NMNAT3: variants seen among roughly 807,000 people sequenced by gnomAD.
NMNAT3 encodes nicotinamide nucleotide adenylyltransferase 3, also known as nicotinamide/nicotinic acid mononucleotide adenylyltransferase 3.
NMNAT3 carries 21 observed loss-of-function variants against 24.8 expected under a neutral mutation model. That is an observed-to-expected ratio of 0.85 (90% confidence interval 0.60 to 1.22). NMNAT3 has a LOEUF of 1.22. NMNAT3 is among the 50% of genes most tolerant of loss of function. The pLI is 0.00. For synonymous variants in NMNAT3, 136 were observed against 155.2 expected (o/e 0.88, Z 0.92); for missense variants, 387 against 436.6 (o/e 0.89, Z 1.01).
In NMNAT3 at chr3:139,582,950, A is replaced by G; in HGVS notation, c.368T>C (p.Ile123Thr). 1 of 1,520,942 alleles carries G rather than the reference A, an allele frequency of 6.6e-7. No individual in the cohort carries two copies. The allele number at this position is 1,520,942 out of a possible 1,614,324, so 94.2% of individuals were successfully genotyped here. A position where few individuals can be genotyped will look rare whatever the true frequency, so the allele number is the denominator to read the frequency against. ...ACCTTGAAGTCGCTCATCAGTGAATATTTTGTTTGTTTGGTTCCAGGTGCT... is the reference window on the plus strand; with the variant it reads ...ACCTTGAAGTCGCTCATCAGTGAATGTTTTGTTTGTTTGGTTCCAGGTGCT... The change falls in exon 4 of 7, where the codon ATA (isoleucine) becomes ACA (threonine). Residue 123 changes from isoleucine (I) to threonine (T), a missense_variant. By Grantham distance (89) the Ile-to-Thr change is moderately conservative. Transcript: ENST00000643695.
At chr3:139,576,385 T>C (rs1489846129) in intron 5 of NMNAT3, 1 of 545,152 alleles carries the variant, frequency 1.8e-6, no homozygotes, top group African/African-American at 2.0e-5. Flanking sequence ...ACTGTAACAG[T>C]GATTCTCAAT....
intron 6 of NMNAT3, chr3:139,570,351 T>C (rs1559857267): frequency 6.6e-6 from 1 of 152,294 alleles, no homozygotes; most frequent in Non-Finnish European, 1.5e-5. Flanking sequence ...CTCGTCAAAG[T>C]CATTCTCTGT....
At chr3:139,591,281 G>C (rs1181755545) in intron 3 of NMNAT3, among the ~76,000 whole-genome samples, 3,420 of 151,134 alleles carry the variant, frequency 0.023, 144 homozygotes, top group African/African-American at 0.078. Context: ...AACGGCGCAC[G>C]ACGAGACTAT....
intron 1 of NMNAT3, among the ~76,000 whole-genome samples, chr3:139,650,374 G>A (rs369689206): frequency 2.6e-5 from 4 of 152,302 alleles, no homozygotes; most frequent in South Asian, 2.1e-4. Flanking sequence ...CTTAGGCAGA[G>A]GGAATGCTCT....
At chr3:139,627,329 A>C (rs1266024357) in intron 3 of NMNAT3, among the ~76,000 whole-genome samples, 1 of 152,070 alleles carries the variant, frequency 6.6e-6, no homozygotes, top group Admixed American at 6.5e-5. Flanking sequence ...GGATGCCCTG[A>C]TTGTGGCACA....
At chr3:139,612,493 C>T (rs557145710) in intron 3 of NMNAT3, among the ~76,000 whole-genome samples, 1 of 152,226 alleles carries the variant, frequency 6.6e-6, no homozygotes, top group South Asian at 2.1e-4. Flanking sequence ...GTTGTATTCT[C>T]CCTGTATTCT....
intron 3 of NMNAT3, among the ~76,000 whole-genome samples, chr3:139,618,890 A>G (rs1266585763): frequency 2.6e-5 from 4 of 152,162 alleles, no homozygotes; most frequent in Non-Finnish European, 4.4e-5. Context: ...AAGTGGGTCC[A>G]TTCTCCTTTA....
At chr3:139,640,624 T>C (rs1324043898) in intron 1 of NMNAT3, among the ~76,000 whole-genome samples, 2 of 152,280 alleles carry the variant, frequency 1.3e-5, no homozygotes, top group East Asian at 3.9e-4. Flanking sequence ...CCATGAAGGC[T>C]GAACAGGCCA....
At chr3:139,591,448 G>A (rs4683557) in intron 3 of NMNAT3, among the ~76,000 whole-genome samples, 3 of 151,082 alleles carry the variant, frequency 2.0e-5, no homozygotes, top group African/African-American at 7.3e-5. Flanking sequence ...CGGGAAGCTC[G>A]AACTGGGTGG....
At chr3:139,619,168 T>C (rs1464654958) in intron 3 of NMNAT3, among the ~76,000 whole-genome samples, 1 of 152,126 alleles carries the variant, frequency 6.6e-6, no homozygotes, top group Non-Finnish European at 1.5e-5. Context: ...TCCTTTTGGG[T>C]AGGGGATGCA....
In NMNAT3 at chr3:139,583,083, G is replaced by C. The variant is rs2053740445; in HGVS notation, c.235C>G (p.Pro79Ala). Reference sequence around the variant, plus strand: ...TTGCGTTTAAAAGATGACTTGTCAGGGTCATCATTTTTGCTGCTAACATTA... The same window carrying C: ...TTGCGTTTAAAAGATGACTTGTCAGCGTCATCATTTTTGCTGCTAACATTA... Residue 79 changes from proline (P) to alanine (A), a missense_variant, in exon 4 of 7, where the codon CCT becomes GCT. Physicochemically the swap from Pro to Ala is conservative, Grantham distance 27. This residue lies in a region of NMNAT3 where 323 missense variants were observed against 345.2 expected (regional missense o/e 0.94). Coordinates refer to ENST00000643695, the MANE Select transcript of NMNAT3 (RefSeq NM_001320510.2). 8 of 1,592,826 alleles carry C rather than the reference G, an allele frequency of 5.0e-6. No individual in the cohort carries two copies. The Admixed American group carries it at 6.8e-5, about 14-fold the overall frequency.
intron 3 of NMNAT3, among the ~76,000 whole-genome samples, chr3:139,615,061 T>C (rs1277587519): frequency 6.6e-6 from 1 of 152,228 alleles, no homozygotes; most frequent in Non-Finnish European, 1.5e-5. Context: ...ACTGTAAATG[T>C]ATTAAATGAG....
At chr3:139,597,512 C>T (rs1215184060) in intron 3 of NMNAT3, among the ~76,000 whole-genome samples, 2 of 152,176 alleles carry the variant, frequency 1.3e-5, no homozygotes, top group Non-Finnish European at 1.5e-5. Context: ...TAACCTACTA[C>T]TTTATATGGG....
intron 1 of NMNAT3, among the ~76,000 whole-genome samples, chr3:139,655,328 C>T (rs1310567200): frequency 6.6e-6 from 1 of 152,148 alleles, no homozygotes; most frequent in Non-Finnish European, 1.5e-5. Flanking sequence ...TAAGTGATTA[C>T]CTGAGGGTCC....
chr3:139,565,037 G>A (rs1169123552), intron 6 of NMNAT3, among the ~76,000 whole-genome samples: 2 of 152,136 alleles, frequency 1.3e-5, no homozygotes, highest in African/African-American at 2.4e-5. Context: ...AAGATTATAT[G>A]CAGTATTGTA....
At chr3:139,656,217 A>G (rs2057236170) in intron 1 of NMNAT3, among the ~76,000 whole-genome samples, 1 of 152,242 alleles carries the variant, frequency 6.6e-6, no homozygotes, top group African/African-American at 2.4e-5. Context: ...AAAGGATTCT[A>G]TCATGCAGAG....
At chr3:139,597,509 C>A (rs1359224951) in intron 3 of NMNAT3, among the ~76,000 whole-genome samples, 1 of 152,172 alleles carries the variant, frequency 6.6e-6, no homozygotes, top group Non-Finnish European at 1.5e-5. Flanking sequence ...TGATAACCTA[C>A]TACTTTATAT....
Position 139,656,177 on chromosome 3 carries a change from G to A in NMNAT3, c.-140-18115C>T, listed in dbSNP as rs146936122. 2.6e-3 allele frequency among the ~76,000 whole-genome samples: 397 copies of A among 152,276 alleles called. 2 individuals are homozygous for A. The highest frequency in any genetic ancestry group is 9.1e-3 in the African/African-American group (377 of 41,556). ...AACCCTGGTAATTAATGAATAGGAC[G>A]CAATGAATTCAGGTCACTGGCTGAA... is the stretch of plus-strand genomic sequence containing the variant. On this transcript the variant is annotated intron_variant, in intron 1 of 6. Coordinates refer to ENST00000643695, the MANE Select transcript of NMNAT3 (RefSeq NM_001320510.2).
chr3:139,671,159 G>GT (rs1203050703), intron 1 of NMNAT3, among the ~76,000 whole-genome samples: 2 of 152,218 alleles, frequency 1.3e-5, no homozygotes, highest in Non-Finnish European at 2.9e-5. Flanking sequence ...CTTGATATAT[G>GT]AAAAAGGTTA....
Sources: allele counts gnomAD v4.1 joint callset (sites outside exome capture counted in the v4.1 genomes callset), GRCh38; gene constraint gnomAD v4.1.1; regional missense constraint gnomAD v4.1.1; transcripts MANE v1.5; gene names NCBI Gene and HGNC (gene_info 2026-07-23, HGNC 2026-07-21).